Variants in CAMSAP2 observed in about 807,000 individuals in gnomAD.
The protein encoded by CAMSAP2 is calmodulin regulated spectrin associated protein family member 2, also known as calmodulin-regulated spectrin-associated protein 2.
CAMSAP2 carries 26 observed loss-of-function variants against 146.1 expected under a neutral mutation model. The ratio of observed to expected loss-of-function variants is 0.18; its 90% confidence interval spans 0.13 to 0.25. The LOEUF is 0.25. Ranked by LOEUF, CAMSAP2 falls within the 10% of genes least tolerant of loss-of-function variation. CAMSAP2 has a pLI of 1.00. For missense variants in CAMSAP2, 1,381 were observed against 1,759.3 expected, an observed-to-expected ratio of 0.78 and a Z score of 3.85; for synonymous variants, 499 against 596.6, an observed-to-expected ratio of 0.84 and a Z score of 2.38.
At chr1:200,766,447 G>A (rs183273782) in intron 2 of CAMSAP2, among the ~76,000 whole-genome samples, 147 of 152,206 alleles carry the variant, frequency 9.7e-4, no homozygotes, top group Non-Finnish European at 1.7e-3. Context: ...TTTTCATTTA[G>A]TTTACTGTGT....
chr1:200,764,856 C>T (rs912101955), intron 2 of CAMSAP2, among the ~76,000 whole-genome samples: 1 of 152,152 alleles, frequency 6.6e-6, no homozygotes, highest in Non-Finnish European at 1.5e-5. Flanking sequence ...GTAATCCCAG[C>T]ACTTTGGGAG....
intron 2 of CAMSAP2, among the ~76,000 whole-genome samples, chr1:200,798,104 G>A (rs1332359138): frequency 6.7e-6 from 1 of 149,146 alleles, no homozygotes; most frequent in African/African-American, 2.5e-5. Flanking sequence ...GTCAGGTAGT[G>A]TGATGCCTCC....
At chr1:200,771,976 G>A (rs974767623) in intron 2 of CAMSAP2, among the ~76,000 whole-genome samples, 1 of 152,068 alleles carries the variant, frequency 6.6e-6, no homozygotes, top group Non-Finnish European at 1.5e-5. Context: ...AAGAACTGTA[G>A]CTAAACAATA....
intron 2 of CAMSAP2, among the ~76,000 whole-genome samples, chr1:200,776,004 G>T (rs1274885070): frequency 1.3e-5 from 2 of 151,206 alleles, no homozygotes; most frequent in Non-Finnish European, 2.9e-5. Flanking sequence ...AAAAAGAAAA[G>T]AAAAATCACT....
At chr1:200,834,720 C>T (rs1257383247) in intron 6 of CAMSAP2, among the ~76,000 whole-genome samples, 2 of 152,128 alleles carry the variant, frequency 1.3e-5, no homozygotes, top group Non-Finnish European at 2.9e-5. Context: ...TTGAGACCGG[C>T]CTGGGCAACA....
intron 2 of CAMSAP2, among the ~76,000 whole-genome samples, chr1:200,788,057 A>G (rs550863263): frequency 5.6e-4 from 85 of 152,320 alleles, no homozygotes; most frequent in Non-Finnish European, 9.6e-4. Flanking sequence ...TTATTATGCT[A>G]CTTGCTTTAT....
At chr1:200,837,599 G>C (rs1667216980) in intron 6 of CAMSAP2, among the ~76,000 whole-genome samples, 1 of 151,890 alleles carries the variant, frequency 6.6e-6, no homozygotes, top group Non-Finnish European at 1.5e-5. Context: ...GTTTTTTTTA[G>C]TTCTATGAAG....
At chr1:200,805,853 C>T (rs996532863) in intron 2 of CAMSAP2, among the ~76,000 whole-genome samples, 6 of 152,112 alleles carry the variant, frequency 3.9e-5, no homozygotes, top group African/African-American at 1.4e-4. Context: ...AGAAACTTTA[C>T]CTCTTTTAAG....
chr1:200,768,142 C>T (rs755907794), intron 2 of CAMSAP2, among the ~76,000 whole-genome samples: 3 of 152,310 alleles, frequency 2.0e-5, no homozygotes, highest in South Asian at 2.1e-4. Context: ...CACTTTCTAG[C>T]GGTGGCTTAT....
In CAMSAP2 at chr1:200,832,301, C is replaced by T. The variant is rs1430962774; in HGVS notation, c.747C>T (p.Ala249=). 1.2e-6 allele frequency: 2 copies of T among 1,612,734 alleles called. No homozygotes were observed. Among genetic ancestry groups the T allele is most frequent in the African/African-American group, 2.7e-5 (2 of 74,736 alleles). ...KDGTDGCALA[A]LIHFYCPDVV... ...GGACAGATGGCTGTGCATTAGCTGC[C>T]CTTATTCATTTTTACTGTCCTGATG... Residue 249 remains alanine (A), a synonymous_variant, in exon 5 of 17, where the codon GCC becomes GCT. Transcript: ENST00000358823. The surrounding 1 kb of genome is among the most constrained non-coding windows in gnomAD (Gnocchi z 4.2).
intron 6 of CAMSAP2, 34 bp from the exon 7 acceptor site, chr1:200,841,960 C>A: frequency 7.1e-7 from 1 of 1,418,370 alleles, no homozygotes; most frequent in Non-Finnish European, 9.9e-7. Context: ...GAAGTTTTAC[C>A]TAATGTAGGC....
At chr1:200,745,929 C>G (rs546129554) in intron 1 of CAMSAP2, among the ~76,000 whole-genome samples, 6 of 152,234 alleles carry the variant, frequency 3.9e-5, no homozygotes, top group Non-Finnish European at 7.4e-5. Context: ...TATATAGGTT[C>G]TTGAAAATTT....
At position 200,858,440 on chromosome 1, in the gene CAMSAP2, AT is replaced by A. The variant is rs1270503611; in HGVS notation, c.*382del. The A allele has an allele frequency of 1.9e-5, 3 of 160,284 alleles. No homozygotes were observed. Among genetic ancestry groups the A allele is most frequent in the African/African-American group, 7.2e-5 (3 of 41,752 alleles). The allele number at this position is 160,284 out of a possible 1,614,324, so 9.9% of individuals were successfully genotyped here. On this transcript the variant is annotated 3_prime_UTR_variant, in exon 17 of 17. Coordinates refer to ENST00000358823, the MANE Select transcript of CAMSAP2 (RefSeq NM_203459.4). Reference sequence around the variant, plus strand: ...TTGCTTTTTTTTAACCTTTTAATGTATATTCTTGTCTTCAGATGGTTTGCTA... The same window carrying A: ...TTGCTTTTTTTTAACCTTTTAATGTAATTCTTGTCTTCAGATGGTTTGCTA...
intron 2 of CAMSAP2, among the ~76,000 whole-genome samples, chr1:200,798,856 T>C (rs1364465596): frequency 6.7e-6 from 1 of 150,162 alleles, no homozygotes; most frequent in South Asian, 2.2e-4. Flanking sequence ...ATACCTAATT[T>C]ATTGAGAGTT....
Position 200,760,898 on chromosome 1 carries a change from A to G in CAMSAP2, c.199A>G (p.Ile67Val), listed in dbSNP as rs1487564433. 2.5e-6 allele frequency: 4 copies of G among 1,614,178 alleles called. No homozygotes were observed. The highest frequency in any genetic ancestry group is 1.1e-5 in the South Asian group (1 of 91,084). Reference sequence around the variant, plus strand: ...CACAGATCAGTATGACCAGGAACACATCAAACCACCTGTTGTTAATTTGCT... The same window carrying G: ...CACAGATCAGTATGACCAGGAACACGTCAAACCACCTGTTGTTAATTTGCT... ...FYTDQYDQEH[I>V]KPPVVNLLLS... is the part of the protein sequence containing the mutation. Residue 67 changes from isoleucine (I) to valine (V), a missense_variant, in exon 2 of 17, where the codon ATC (isoleucine) becomes GTC (valine). Physicochemically the swap from Ile to Val is conservative, Grantham distance 29. This residue lies in a region of CAMSAP2 where 284 missense variants were observed against 406.9 expected (regional missense o/e 0.70). Transcript: ENST00000358823.
rs952424029 is a variant in CAMSAP2 at position 200,860,457 on chromosome 1, G to A, written c.*2398G>A. The A allele has an allele frequency of 2.6e-5, 4 of 152,596 alleles. No individual in the cohort carries two copies. The highest frequency in any genetic ancestry group is 2.1e-4 in the South Asian group (1 of 4,832). The allele number at this position is 152,596 out of a possible 1,614,324, so 9.5% of individuals were successfully genotyped here. A position where few individuals can be genotyped will look rare whatever the true frequency, so the allele number is the denominator to read the frequency against. On this transcript the variant is annotated 3_prime_UTR_variant, in exon 17 of 17. Coordinates refer to ENST00000358823, the MANE Select transcript of CAMSAP2 (RefSeq NM_203459.4). ...GAAAGATTTAGTTCTTGGTTTTTCC[G>A]TTTTGTATTAGAATGACTGTTACAG...
At chr1:200,771,910 T>C (rs983505206) in intron 2 of CAMSAP2, among the ~76,000 whole-genome samples, 3 of 152,210 alleles carry the variant, frequency 2.0e-5, no homozygotes, top group African/African-American at 7.2e-5. Context: ...ACTTTAGTGT[T>C]CCCTCAGTAA....
At chr1:200,743,251 G>C (rs1362170226) in intron 1 of CAMSAP2, among the ~76,000 whole-genome samples, 1 of 152,152 alleles carries the variant, frequency 6.6e-6, no homozygotes, top group Non-Finnish European at 1.5e-5. Flanking sequence ...CTTGAATTTG[G>C]AATTCAAGGC....
At chr1:200,790,492 C>T (rs898690329) in intron 2 of CAMSAP2, among the ~76,000 whole-genome samples, 5 of 152,188 alleles carry the variant, frequency 3.3e-5, no homozygotes, top group African/African-American at 1.2e-4. Context: ...TACTCTGAAC[C>T]TGCAACAATT....
Sources: allele counts gnomAD v4.1 joint callset (sites outside exome capture counted in the v4.1 genomes callset), GRCh38; gene constraint gnomAD v4.1.1; regional missense constraint gnomAD v4.1.1; non-coding constraint Gnocchi (gnomAD v3.1); transcripts MANE v1.5; gene names NCBI Gene and HGNC (gene_info 2026-07-23, HGNC 2026-07-21).